The following AZIN1 variants were observed in gnomAD, a reference collection of about 807,000 sequenced individuals.
AZIN1 encodes antizyme inhibitor 1.
A neutral mutation model predicts 47.4 loss-of-function variants in AZIN1; 12 were observed. The ratio of observed to expected loss-of-function variants is 0.25; its 90% CI spans 0.16 to 0.41. AZIN1 has a LOEUF of 0.41. AZIN1 is among the 10% of genes least tolerant of loss of function. The pLI is 1.00. For synonymous variants in AZIN1, 155 were observed against 176.3 expected, an observed-to-expected ratio of 0.88 and a Z score of 0.96; for missense variants, 410 against 532.4, an observed-to-expected ratio of 0.77 and a Z score of 2.26.
intron 1 of AZIN1, among the ~76,000 whole-genome samples, chr8:102,862,236 T>G (rs2131296200): frequency 6.6e-6 from 1 of 152,272 alleles, no homozygotes; most frequent in Non-Finnish European, 1.5e-5. Flanking sequence ...CCTCTAAGAT[T>G]TAAAAAATAG....
intron 3 of AZIN1, among the ~76,000 whole-genome samples, chr8:102,840,159 G>A (rs1213361231): frequency 6.6e-6 from 1 of 152,174 alleles, no homozygotes; most frequent in Non-Finnish European, 1.5e-5. Context: ...GTTGAAGGAA[G>A]GGAACCTATT....
intron 2 of AZIN1, among the ~76,000 whole-genome samples, chr8:102,853,816 A>G (rs991010828): frequency 6.7e-6 from 1 of 149,814 alleles, no homozygotes; most frequent in African/African-American, 2.4e-5. Context: ...ACATTTGCTC[A>G]TATCACAGTA....
chr8:102,856,768 T>C (rs1457734505), intron 2 of AZIN1, among the ~76,000 whole-genome samples: 7 of 152,196 alleles, frequency 4.6e-5, no homozygotes, highest in Non-Finnish European at 1.0e-4. Flanking sequence ...ATAGAACAGA[T>C]GGACTAACAA....
chr8:102,829,408 T>C lies in AZIN1; in HGVS notation c.1099A>G (p.Ser367Gly), dbSNP rs1811294449. The C allele has an allele frequency of 6.2e-7, 1 of 1,613,942 alleles. No individual in the cohort carries two copies. The highest frequency in any genetic ancestry group is 1.3e-5 in the African/African-American group (1 of 74,914). ...ACATTCAGCTCAGGAAGAAGACAGC[T>C]TTCCACAATTTGATCAAGCTCATCA... ...SCDELDQIVESCLLPELNVGD... is the reference protein window; with the variant it reads ...SCDELDQIVEGCLLPELNVGD... The change falls in exon 11 of 12, where the codon AGC becomes GGC. Residue 367 changes from serine to glycine, a missense_variant. Coordinates refer to ENST00000337198, the MANE Select transcript of AZIN1 (RefSeq NM_148174.4).
rs1291406570 is a variant in AZIN1 at position 102,861,274 on chromosome 8, C to G, written c.-234+2533G>C. Among the ~76,000 whole-genome samples the G allele has an allele frequency of 1.3e-5, 2 of 152,146 alleles. 1 individual carries two copies. The highest frequency in any genetic ancestry group is 2.9e-5 in the Non-Finnish European group (2 of 68,034). ...AGTCCCGCTGCTCTTGTCCCCCAGG[C>G]TGGAGTGCCCTGGTGAGATCTCGGC... On this transcript the variant is annotated intron_variant, in intron 1 of 11. Transcript: ENST00000337198.
chr8:102,833,251 A>G, intron 8 of AZIN1, 33 bp from the exon 9 acceptor site: 2 of 1,580,354 alleles, frequency 1.3e-6, no homozygotes, highest in Non-Finnish European at 8.6e-7. Context: ...TATGGTTTCA[A>G]TATTGGATTA....
At chr8:102,832,528 A>T (rs1052101637) in intron 9 of AZIN1, among the ~76,000 whole-genome samples, 1 of 152,234 alleles carries the variant, frequency 6.6e-6, no homozygotes, top group Non-Finnish European at 1.5e-5. Context: ...GTAGTTCTGA[A>T]TAATGGATGA....
At chr8:102,853,899 A>G (rs917731901) in intron 2 of AZIN1, among the ~76,000 whole-genome samples, 6 of 152,176 alleles carry the variant, frequency 3.9e-5, no homozygotes, top group African/African-American at 1.4e-4. Flanking sequence ...AAAAAGTACC[A>G]AATATCAAAA....
chr8:102,853,904 T>C (rs1813091015), intron 2 of AZIN1, among the ~76,000 whole-genome samples: 2 of 152,182 alleles, frequency 1.3e-5, no homozygotes, highest in Middle Eastern at 3.4e-3. Context: ...GTACCAAATA[T>C]CAAAACTGAA....
intron 2 of AZIN1, among the ~76,000 whole-genome samples, chr8:102,849,068 C>G (rs1812762646): frequency 6.6e-6 from 1 of 152,122 alleles, no homozygotes; most frequent in Non-Finnish European, 1.5e-5. Context: ...GAGGCCGAGG[C>G]AGGCAGATCA....
Position 102,826,719 on chromosome 8 carries a change from C to T in AZIN1, c.*1848G>A, listed in dbSNP as rs1327642059. 1 of 152,538 alleles carries T rather than the reference C, an allele frequency of 6.6e-6. No individual in the cohort carries two copies. Among genetic ancestry groups the T allele is most frequent in the African/African-American group, 2.4e-5 (1 of 41,422 alleles). 9.4% of individuals were successfully genotyped at this position (152,538 alleles called of 1,614,324 possible). ...AAGTTCAAGGCCTGTATAGTCAAGC[C>T]AAGGACTCAAAGTTGCACCATCTTT... On this transcript the variant is annotated 3_prime_UTR_variant, in exon 12 of 12. Coordinates refer to ENST00000337198, the MANE Select transcript of AZIN1 (RefSeq NM_148174.4).
intron 9 of AZIN1, among the ~76,000 whole-genome samples, chr8:102,831,496 A>G (rs1811457274): frequency 6.6e-6 from 1 of 151,152 alleles, no homozygotes; most frequent in East Asian, 1.9e-4. Context: ...AAAAAAATCT[A>G]GCCGGGTGTG....
At position 102,834,386 on chromosome 8, in the gene AZIN1, T is replaced by C. The variant is rs140029705; in HGVS notation, c.667-123A>G. ...GATCTTTAGTACAGCAAATTCTTGG[T>C]TTTTTACTGATAGAAACAGATTATT... On this transcript the variant is annotated intron_variant, in intron 7 of 11. Coordinates refer to ENST00000337198, the MANE Select transcript of AZIN1 (RefSeq NM_148174.4). 332 of 750,270 alleles carry C rather than the reference T, an allele frequency of 4.4e-4. 1 individual carries two copies. The African/African-American group carries it at 4.4e-3, about 10-fold the overall frequency. The allele number at this position is 750,270 out of a possible 1,614,324, so 46.5% of individuals were successfully genotyped here. A position where few individuals can be genotyped will look rare whatever the true frequency, so the allele number is the denominator to read the frequency against.
At chr8:102,841,801 TATATAAA>T (rs1385065059) in intron 3 of AZIN1, among the ~76,000 whole-genome samples, 21 of 115,064 alleles carry the variant, frequency 1.8e-4, no homozygotes, top group Non-Finnish European at 3.5e-4. Context: ...AATATATATA[TATATAAA>T]AAAAAAAAAA....
intron 8 of AZIN1, among the ~76,000 whole-genome samples, chr8:102,833,440 C>G (rs1811598444): frequency 6.6e-6 from 1 of 151,472 alleles, no homozygotes; most frequent in Non-Finnish European, 1.5e-5. Context: ...AAAAATAGCT[C>G]TAATAACAAA....
At chr8:102,861,511 C>T (rs1467715776) in intron 1 of AZIN1, among the ~76,000 whole-genome samples, 3 of 151,802 alleles carry the variant, frequency 2.0e-5, no homozygotes, top group South Asian at 2.1e-4. Flanking sequence ...CTTGAGCCAC[C>T]GCGCCCGGCC....
intron 11 of AZIN1, 147 bp from the exon 12 acceptor site, chr8:102,828,825 A>G (rs1342924401): frequency 1.7e-6 from 1 of 595,056 alleles, no homozygotes; most frequent in Non-Finnish European, 3.0e-6. Flanking sequence ...CATGCACTGC[A>G]GAGTGATGTT....
At position 102,828,571 on chromosome 8, in the gene AZIN1, G is replaced by A; in HGVS notation, c.1343C>T (p.Ala448Val). ...LSQEDSFSAE[A>V] ...TAAAGAAGCGTTAATGCCTGTTTAAGCTTCAGCGGAAAAGCTGTCTTCTTG... is the reference window on the plus strand; with the variant it reads ...TAAAGAAGCGTTAATGCCTGTTTAAACTTCAGCGGAAAAGCTGTCTTCTTG... The change falls in exon 12 of 12, where the codon GCT becomes GTT. Residue 448 changes from alanine (A) to valine (V), a missense_variant. Physicochemically the swap from Ala to Val is moderately conservative, Grantham distance 64. Transcript: ENST00000337198. The A allele has an allele frequency of 6.2e-7, 1 of 1,603,504 alleles. No individual in the cohort carries two copies. Among genetic ancestry groups the A allele is most frequent in the Middle Eastern group, 1.7e-4 (1 of 6,010 alleles).
At chr8:102,836,849 T>A (rs897964441) in intron 5 of AZIN1, among the ~76,000 whole-genome samples, 2 of 152,232 alleles carry the variant, frequency 1.3e-5, no homozygotes, top group African/African-American at 4.8e-5. Flanking sequence ...CCTACTAACA[T>A]TGTTACATCC....
Sources: allele counts gnomAD v4.1 joint callset (sites outside exome capture counted in the v4.1 genomes callset), GRCh38; gene constraint gnomAD v4.1.1; transcripts MANE v1.5; gene names NCBI Gene and HGNC (gene_info 2026-07-23, HGNC 2026-07-21).